LRRK1: variants seen among roughly 807,000 people sequenced by gnomAD.
LRRK1 encodes the protein leucine-rich repeat serine/threonine-protein kinase 1.
LRRK1 carries 113 observed loss-of-function variants against 209.1 expected under a neutral mutation model. The observed-to-expected ratio is 0.54, with a 90% CI of 0.46 to 0.63. LRRK1 has a LOEUF of 0.63. Ranked by LOEUF, LRRK1 falls within the 30% of genes least tolerant of loss-of-function variation. The probability of loss-of-function intolerance (pLI) is 0.00; values close to 1 mark genes in which losing one functional copy is unlikely to be tolerated. For synonymous variants in LRRK1, 1,144 were observed against 1,099.7 expected (o/e 1.04, Z -0.80); for missense variants, 2,284 against 2,632.2 (o/e 0.87, Z 2.89).
Position 101,022,544 on chromosome 15 carries a change from A to C in LRRK1, c.2014A>C (p.Thr672Pro), listed in dbSNP as rs760065482. Residue 672 changes from threonine to proline, a missense_variant, in exon 15 of 34, where the codon ACC becomes CCC. Coordinates refer to ENST00000388948, the MANE Select transcript of LRRK1 (RefSeq NM_024652.6). The surrounding 1 kb of genome is among the most constrained non-coding windows in gnomAD (Gnocchi z 4.0). The part of the protein sequence containing the change: ...RAPQVVHGEA[T>P]IRTTKWELQR... ...CCCCCAGGTGGTGCATGGAGAGGCC[A>C]CCATCAGGACCACCAAGTGGGAGCT... 6.2e-7 allele frequency: 1 copy of C among 1,613,668 alleles called. No homozygotes were observed. Among genetic ancestry groups the C allele is most frequent in the Non-Finnish European group, 8.5e-7 (1 of 1,179,978 alleles).
At chr15:101,066,502 C>T in intron 32 of LRRK1, 138 bp from the exon 33 acceptor site, 1 of 838,708 alleles carries the variant, frequency 1.2e-6, no homozygotes, top group South Asian at 1.6e-5. Context: ...GAAGTCTGTC[C>T]CCTCCCCATA....
rs372571739 is a variant in LRRK1, at chr15:101,048,673, A to G, written c.3299+16A>G. 39 of 1,490,366 alleles carry G rather than the reference A, an allele frequency of 2.6e-5. No homozygotes were observed. Among genetic ancestry groups the G allele is most frequent in the Non-Finnish European group, 3.4e-5 (38 of 1,125,874 alleles). The allele number at this position is 1,490,366 out of a possible 1,614,324, so 92.3% of individuals were successfully genotyped here. A position where few individuals can be genotyped will look rare whatever the true frequency, so the allele number is the denominator to read the frequency against. On this transcript the variant is annotated intron_variant, in intron 22 of 33. Coordinates refer to ENST00000388948, the MANE Select transcript of LRRK1 (RefSeq NM_024652.6). Reference sequence around the variant, plus strand: ...GCTACCTCAGGTAGGAACACCTGGAAGCCCACCTGCCAGGTCAGCAGGTGC... The same window carrying G: ...GCTACCTCAGGTAGGAACACCTGGAGGCCCACCTGCCAGGTCAGCAGGTGC...
At chr15:101,040,162 A>G (rs777668840) in intron 20 of LRRK1, among the ~76,000 whole-genome samples, 22 of 152,114 alleles carry the variant, frequency 1.4e-4, no homozygotes, top group Non-Finnish European at 2.9e-4. Context: ...TAACAGTTTG[A>G]TAGAATTTAT....
chr15:101,006,187 G>A (rs572521810), intron 6 of LRRK1, among the ~76,000 whole-genome samples: 1 of 152,188 alleles, frequency 6.6e-6, no homozygotes, highest in Non-Finnish European at 1.5e-5. Flanking sequence ...GTGGGGTTTA[G>A]TGGGAACCAC....
At chr15:100,946,322 GGGA>G (rs2042538816) in intron 2 of LRRK1, among the ~76,000 whole-genome samples, 1 of 152,188 alleles carries the variant, frequency 6.6e-6, no homozygotes, top group African/African-American at 2.4e-5. Context: ...GTGAGAGGAG[GGGA>G]GGAGATTAGT....
Position 101,027,489 on chromosome 15 carries a change from G to A in LRRK1, c.2526+108G>A, listed in dbSNP as rs1474708317. On this transcript the variant is annotated intron_variant, in intron 18 of 33. Coordinates refer to ENST00000388948, the MANE Select transcript of LRRK1 (RefSeq NM_024652.6). This position sits in a 1 kb window ranked among gnomAD's most constrained non-coding sequence, Gnocchi z 5.1. ...AGCCCATGTCTGTGTGGCAAGGCTCGGTGGTTCCTGGTGAGGGAGGGTCAG... is the reference window on the plus strand; with the variant it reads ...AGCCCATGTCTGTGTGGCAAGGCTCAGTGGTTCCTGGTGAGGGAGGGTCAG... 11 of 1,515,814 alleles carry A rather than the reference G, an allele frequency of 7.3e-6. No individual in the cohort carries two copies. Among genetic ancestry groups the A allele is most frequent in the Admixed American group, 6.0e-5 (3 of 50,334 alleles). 93.9% of individuals were successfully genotyped at this position (1,515,814 alleles called of 1,614,324 possible). A position where few individuals can be genotyped will look rare whatever the true frequency, so the allele number is the denominator to read the frequency against.
intron 6 of LRRK1, 128 bp downstream of exon 6, chr15:100,989,526 C>A: frequency 1.0e-6 from 1 of 975,780 alleles, no homozygotes; most frequent in Non-Finnish European, 1.5e-6. Context: ...TTGAGAAGTC[C>A]AAGAGCATAG....
intron 2 of LRRK1, among the ~76,000 whole-genome samples, chr15:100,956,235 A>C (rs2141628086): frequency 6.6e-6 from 1 of 152,016 alleles, no homozygotes; most frequent in African/African-American, 2.4e-5. Context: ...TATGTTTCTA[A>C]GAATTTATCC....
Position 100,962,800 on chromosome 15 carries a change from T to TATATACATATATATATATATAC in LRRK1, c.98-10999_98-10998insCATATATATATATATACATATA, listed in dbSNP as rs1422041164. On this transcript the variant is annotated intron_variant, in intron 2 of 33. Transcript: ENST00000388948. ...AATAAATTATTTCATTTTGCATATATATATATATATATATATATATATATT... is the reference window on the plus strand; with the variant it reads ...AATAAATTATTTCATTTTGCATATATATATACATATATATATATATACATATATATATATATATATATATATT... Among the ~76,000 whole-genome samples the TATATACATATATATATATATAC allele has an allele frequency of 2.4e-3, 42 of 17,268 alleles. 8 individuals are homozygous for TATATACATATATATATATATAC. The highest frequency in any genetic ancestry group is 5.8e-3 in the Non-Finnish European group (36 of 6,170). 11.3% of individuals were successfully genotyped at this position (17,268 alleles called of 152,430 possible).
At chr15:101,057,160 T>A in intron 28 of LRRK1, 110 bp downstream of exon 28, 1 of 851,262 alleles carries the variant, frequency 1.2e-6, no homozygotes. Context: ...TGGCAACCCT[T>A]CTCTGCTCAT....
rs2034164566 is a variant in LRRK1, at chr15:101,029,026, C to G, written c.2757C>G (p.Leu919=). 1 of 1,614,076 alleles carries G rather than the reference C, an allele frequency of 6.2e-7. No homozygotes were observed. The change falls in exon 20 of 34, where the codon CTC becomes CTG. Residue 919 remains leucine (L), a synonymous_variant. Transcript: ENST00000388948. ...ACACCAGCCACGGCCTGAGGAACCTCTACTTCCTCGACCCTATTTGGCTCT... is the reference window on the plus strand; with the variant it reads ...ACACCAGCCACGGCCTGAGGAACCTGTACTTCCTCGACCCTATTTGGCTCT... ...FPDTSHGLRN[L]YFLDPIWLSE... is the part of the protein sequence containing the mutation.
intron 12 of LRRK1, among the ~76,000 whole-genome samples, chr15:101,016,356 G>A (rs917790775): frequency 4.0e-5 from 6 of 151,548 alleles, no homozygotes; most frequent in African/African-American, 4.8e-5. Context: ...CAGTGCTGGC[G>A]CCCTCCTCTC....
At chr15:100,938,853 A>G (rs1175568162) in intron 2 of LRRK1, among the ~76,000 whole-genome samples, 2 of 152,042 alleles carry the variant, frequency 1.3e-5, no homozygotes, top group Non-Finnish European at 2.9e-5. Flanking sequence ...GGACTTTAGG[A>G]GGCTGAGGTG....
intron 3 of LRRK1, among the ~76,000 whole-genome samples, chr15:100,980,065 G>A (rs1306999816): frequency 2.0e-5 from 3 of 152,072 alleles, no homozygotes; most frequent in Non-Finnish European, 4.4e-5. Flanking sequence ...ACCAGCAATT[G>A]AACTCCTGAA....
chr15:100,936,110 G>A (rs1011834158), intron 2 of LRRK1, among the ~76,000 whole-genome samples: 1 of 152,182 alleles, frequency 6.6e-6, no homozygotes, highest in Non-Finnish European at 1.5e-5. Context: ...GCTTTGATAC[G>A]GGTTAGGTGA....
intron 20 of LRRK1, among the ~76,000 whole-genome samples, chr15:101,031,968 T>C (rs1164130757): frequency 2.6e-5 from 4 of 152,184 alleles, no homozygotes; most frequent in Non-Finnish European, 5.9e-5. Context: ...TCTCCTGACC[T>C]CGTGATCCGC....
intron 25 of LRRK1, 48 bp from the exon 26 acceptor site, chr15:101,053,175 T>C: frequency 1.3e-6 from 2 of 1,592,292 alleles, no homozygotes; most frequent in Non-Finnish European, 1.7e-6. Context: ...GGCCTGAGGC[T>C]GCAGGCACCC....
chr15:100,963,194 C>G (rs781676520), intron 2 of LRRK1, among the ~76,000 whole-genome samples: 6 of 152,006 alleles, frequency 3.9e-5, no homozygotes, highest in African/African-American at 7.3e-5. Flanking sequence ...GGCCTCTGTC[C>G]TATGTTCTAC....
Position 100,997,234 on chromosome 15 carries a change from A to G in LRRK1, c.762+7836A>G, listed in dbSNP as rs181863369. Among the ~76,000 whole-genome samples the G allele has an allele frequency of 9.2e-5, 14 of 152,374 alleles. No homozygotes were observed. In the East Asian group the frequency reaches 2.3e-3, roughly 25 times the overall value. On this transcript the variant is annotated intron_variant, in intron 6 of 33. Coordinates refer to ENST00000388948, the MANE Select transcript of LRRK1 (RefSeq NM_024652.6). ...TGAACATTAAAGCAAAATTATTTATACTAAAACATAATTTTAAAAAGAAAA... is the reference window on the plus strand; with the variant it reads ...TGAACATTAAAGCAAAATTATTTATGCTAAAACATAATTTTAAAAAGAAAA...
Sources: allele counts gnomAD v4.1 joint callset (sites outside exome capture counted in the v4.1 genomes callset), GRCh38; gene constraint gnomAD v4.1.1; non-coding constraint Gnocchi (gnomAD v3.1); transcripts MANE v1.5; gene names NCBI Gene and HGNC (gene_info 2026-07-23, HGNC 2026-07-21).